Variants in ARL15 observed in about 807,000 individuals in gnomAD.
ARL15 encodes ADP-ribosylation factor-like protein 15.
In ARL15, 19 loss-of-function variants were observed where a neutral mutation model predicts 25.2. The observed-to-expected ratio is 0.75, with a 90% CI of 0.53 to 1.10. The LOEUF is 1.10. Ranked by LOEUF, ARL15 falls within the 50% of genes least tolerant of loss-of-function variation. The pLI is 0.00. For missense variants in ARL15, 220 were observed against 246.0 expected, an observed-to-expected ratio of 0.89 and a Z score of 0.71; for synonymous variants, 94 against 86.8, an observed-to-expected ratio of 1.08 and a Z score of -0.46.
chr5:54,270,902 T>C (rs1010430559), intron 1 of ARL15, among the ~76,000 whole-genome samples: 4 of 152,100 alleles, frequency 2.6e-5, no homozygotes, highest in African/African-American at 9.7e-5. Context: ...CCACCCTCAA[T>C]GTGGGCAGGC....
intron 4 of ARL15, among the ~76,000 whole-genome samples, chr5:53,959,655 T>C (rs1747296606): frequency 6.6e-6 from 1 of 152,124 alleles, no homozygotes; most frequent in Non-Finnish European, 1.5e-5. Flanking sequence ...TTGGGACCTA[T>C]GGACTTATTA....
At chr5:54,161,595 T>C (rs1754402679) in intron 2 of ARL15, among the ~76,000 whole-genome samples, 1 of 152,226 alleles carries the variant, frequency 6.6e-6, no homozygotes, top group Admixed American at 6.5e-5. Context: ...CCATTTATTC[T>C]TTTTATGAAT....
intron 4 of ARL15, among the ~76,000 whole-genome samples, chr5:54,013,375 C>T (rs1443450285): frequency 2.0e-5 from 3 of 152,182 alleles, no homozygotes; most frequent in Non-Finnish European, 4.4e-5. Context: ...CTCACTCATT[C>T]CCAGGCACAG....
rs1350653251 is a variant in ARL15, at chr5:54,087,914, G to A, written c.462+25288C>T. Among the ~76,000 whole-genome samples the A allele has an allele frequency of 3.9e-5, 6 of 152,310 alleles. No individual in the cohort carries two copies. In the East Asian group the frequency reaches 1.2e-3, roughly 29 times the overall value. ...TGGTCTTGAACTCCTGACCTCAAGTGATCTGCCTGCCTTGGCCTCGCAAAG... is the reference window on the plus strand; with the variant it reads ...TGGTCTTGAACTCCTGACCTCAAGTAATCTGCCTGCCTTGGCCTCGCAAAG... On this transcript the variant is annotated intron_variant, in intron 4 of 4. Coordinates refer to ENST00000504924, the MANE Select transcript of ARL15 (RefSeq NM_019087.3).
At chr5:53,944,547 A>G (rs1170632629) in intron 4 of ARL15, among the ~76,000 whole-genome samples, 1 of 152,090 alleles carries the variant, frequency 6.6e-6, no homozygotes, top group Non-Finnish European at 1.5e-5. Flanking sequence ...AGCTGTGATC[A>G]TGCCACTGCA....
chr5:53,946,597 C>A (rs1282707004), intron 4 of ARL15, among the ~76,000 whole-genome samples: 1 of 150,844 alleles, frequency 6.6e-6, no homozygotes, highest in African/African-American at 2.4e-5. Flanking sequence ...AAGAGAACAT[C>A]ATACCATATT....
intron 4 of ARL15, among the ~76,000 whole-genome samples, chr5:53,937,519 T>G (rs1746389944): frequency 6.6e-6 from 1 of 152,222 alleles, no homozygotes; most frequent in Admixed American, 6.5e-5. Context: ...TATATGATAA[T>G]GGGCCTTTAG....
chr5:54,121,148 T>C (rs1753062190), intron 3 of ARL15, among the ~76,000 whole-genome samples: 1 of 152,232 alleles, frequency 6.6e-6, no homozygotes, highest in Non-Finnish European at 1.5e-5. Flanking sequence ...TGAGTGTTTT[T>C]TCGTCTGTGA....
At chr5:54,135,594 A>T (rs372544782) in intron 3 of ARL15, among the ~76,000 whole-genome samples, 2 of 152,324 alleles carry the variant, frequency 1.3e-5, no homozygotes, top group East Asian at 3.9e-4. Context: ...AGAAACAGAG[A>T]GTTGCATTTT....
intron 3 of ARL15, among the ~76,000 whole-genome samples, chr5:54,133,561 T>C (rs1217971403): frequency 2.6e-5 from 4 of 152,208 alleles, no homozygotes; most frequent in Non-Finnish European, 4.4e-5. Flanking sequence ...ATGTGGCCGC[T>C]ATAAGGTCCT....
At chr5:53,959,741 A>G (rs781469804) in intron 4 of ARL15, among the ~76,000 whole-genome samples, 2 of 151,946 alleles carry the variant, frequency 1.3e-5, no homozygotes, top group Non-Finnish European at 2.9e-5. Flanking sequence ...GAGGCCTTCC[A>G]TGCTCGTGAT....
chr5:54,029,149 G>A (rs1318857640), intron 4 of ARL15, among the ~76,000 whole-genome samples: 5 of 152,026 alleles, frequency 3.3e-5, no homozygotes, highest in Non-Finnish European at 5.9e-5. Flanking sequence ...TCTTTTACTT[G>A]CCCTATAACC....
intron 4 of ARL15, among the ~76,000 whole-genome samples, chr5:54,015,214 C>T (rs182836433): frequency 1.5e-3 from 233 of 151,806 alleles, no homozygotes; most frequent in Non-Finnish European, 2.9e-3. Context: ...ATTGCTTGAA[C>T]CTAGGAGGCA....
intron 4 of ARL15, among the ~76,000 whole-genome samples, chr5:54,075,780 C>A (rs1304786993): frequency 6.6e-6 from 1 of 152,132 alleles, no homozygotes; most frequent in Non-Finnish European, 1.5e-5. Context: ...GGCCACTGCA[C>A]CCAGTCATAT....
intron 4 of ARL15, among the ~76,000 whole-genome samples, chr5:54,049,621 G>C (rs1221880169): frequency 1.3e-5 from 2 of 151,822 alleles, no homozygotes; most frequent in Non-Finnish European, 2.9e-5. Flanking sequence ...TGTTGTTTGA[G>C]ATAGGGTCTC....
chr5:54,147,084 C>G (rs1416740584), intron 3 of ARL15, among the ~76,000 whole-genome samples: 1 of 152,140 alleles, frequency 6.6e-6, no homozygotes, highest in African/African-American at 2.4e-5. Flanking sequence ...TTTTAACTCA[C>G]ATCCAAGTGA....
intron 3 of ARL15, among the ~76,000 whole-genome samples, chr5:54,129,887 A>G (rs914666887): frequency 6.6e-6 from 1 of 152,228 alleles, no homozygotes; most frequent in Non-Finnish European, 1.5e-5. Context: ...CCATCAATAT[A>G]TGTAAAAGAA....
At chr5:54,158,305 C>T (rs1369964194) in intron 2 of ARL15, among the ~76,000 whole-genome samples, 3 of 152,072 alleles carry the variant, frequency 2.0e-5, no homozygotes, top group African/African-American at 7.2e-5. Context: ...CTCTGGTGTC[C>T]TCGAACTAGA....
intron 4 of ARL15, among the ~76,000 whole-genome samples, chr5:54,020,791 T>TAAAAAAAAA (rs146286288): frequency 6.8e-6 from 1 of 147,734 alleles, no homozygotes. Flanking sequence ...TAATAAAAAT[T>TAAAAAAAAA]AAAAGAAAAA....
Sources: allele counts gnomAD v4.1 joint callset (sites outside exome capture counted in the v4.1 genomes callset), GRCh38; gene constraint gnomAD v4.1.1; transcripts MANE v1.5; gene names NCBI Gene and HGNC (gene_info 2026-07-23, HGNC 2026-07-21).